Variants in FANCB observed in about 807,000 individuals in gnomAD.
The protein encoded by FANCB is FA complementation group B.
FANCB carries 5 observed loss-of-function variants against 38.9 expected under a neutral mutation model. The observed-to-expected ratio is 0.13, with a 90% CI of 0.07 to 0.27. FANCB has a LOEUF of 0.27. Among genes scored for constraint, FANCB ranks in the 10% least tolerant of loss-of-function variants. FANCB has a pLI of 1.00. For missense variants in FANCB, 573 were observed against 602.7 expected, an observed-to-expected ratio of 0.95 and a Z score of 0.52; for synonymous variants, 236 against 215.4, an observed-to-expected ratio of 1.10 and a Z score of -0.84.
chrX:14,776,080 C>T, the FANCB span, among the ~76,000 whole-genome samples: 3 of 82,089 alleles, frequency 3.7e-5, no homozygotes, highest in Non-Finnish European at 6.5e-5. Context: ...TTTATGGGCA[C>T]GTCTGATATG....
chrX:14,739,336 G>T, the FANCB span, among the ~76,000 whole-genome samples: 1 of 111,693 alleles, frequency 9.0e-6, no homozygotes, highest in Non-Finnish European at 1.9e-5. Flanking sequence ...TTGATCAACA[G>T]ATAAACAGAA....
chrX:14,867,050 T>A (rs902683556), intron 2 of FANCB, among the ~76,000 whole-genome samples: 29 of 111,294 alleles, frequency 2.6e-4, no homozygotes, highest in Non-Finnish European at 5.5e-4. Flanking sequence ...ATCTCTACAA[T>A]GAAAACTATA....
chrX:14,815,233 T>A, the FANCB span, among the ~76,000 whole-genome samples: 1 of 110,640 alleles, frequency 9.0e-6, no homozygotes, highest in African/African-American at 3.3e-5. Context: ...GACGAGTTAC[T>A]GGGTGCAGCA....
chrX:14,853,209 C>T (rs1193206901), intron 5 of FANCB, 42 bp from the exon 6 acceptor site: 21 of 1,130,706 alleles, frequency 1.9e-5, no homozygotes, highest in Non-Finnish European at 2.5e-5. Flanking sequence ...AACATGATTT[C>T]AAATGAAACC....
At chrX:14,711,640 T>C in the FANCB span, among the ~76,000 whole-genome samples, 1 of 112,481 alleles carries the variant, frequency 8.9e-6, no homozygotes, top group Non-Finnish European at 1.9e-5. Flanking sequence ...ATACCAGGCA[T>C]GTAAACTTTT....
chrX:14,718,557 GAT>G, the FANCB span, among the ~76,000 whole-genome samples: 1 of 112,052 alleles, frequency 8.9e-6, no homozygotes, highest in East Asian at 2.8e-4. Context: ...TCTACTACAT[GAT>G]GTCTGACATA....
chrX:14,789,193 A>G, the FANCB span, among the ~76,000 whole-genome samples: 1 of 111,966 alleles, frequency 8.9e-6, no homozygotes, highest in African/African-American at 3.2e-5. Context: ...AGTGCCCTTG[A>G]CTTAACTGCT....
chrX:14,693,289 T>G, the FANCB span, among the ~76,000 whole-genome samples: 10 of 112,007 alleles, frequency 8.9e-5, no homozygotes, highest in Non-Finnish European at 1.9e-4. Flanking sequence ...GATAAAGATA[T>G]CTCATGCAAA....
the FANCB span, among the ~76,000 whole-genome samples, chrX:14,789,623 C>T: frequency 1.8e-5 from 2 of 112,013 alleles, no homozygotes; most frequent in African/African-American, 6.5e-5. Context: ...AGTCGTCATG[C>T]TCCCTCACAC....
the FANCB span, among the ~76,000 whole-genome samples, chrX:14,765,441 C>CT: frequency 2.7e-5 from 3 of 112,137 alleles, no homozygotes; most frequent in South Asian, 7.4e-4. Flanking sequence ...GCCAGCTTGT[C>CT]TTTTTTATGA....
chrX:14,725,707 G>A, the FANCB span, among the ~76,000 whole-genome samples: 1 of 111,989 alleles, frequency 8.9e-6, no homozygotes, highest in Non-Finnish European at 1.9e-5. Flanking sequence ...GTGAGCTTTA[G>A]GTCAATTTCC....
chrX:14,779,746 G>T, the FANCB span, among the ~76,000 whole-genome samples: 1 of 109,133 alleles, frequency 9.2e-6, no homozygotes, highest in Non-Finnish European at 1.9e-5. Context: ...AGAAGGAAGT[G>T]AGGACTAGAT....
chrX:14,730,018 G>A, the FANCB span, among the ~76,000 whole-genome samples: 1 of 111,969 alleles, frequency 8.9e-6, no homozygotes, highest in Non-Finnish European at 1.9e-5. Context: ...TTCTCAGTCT[G>A]AAAAGTTAAT....
At chrX:14,831,506 T>TG (rs751491726), downstream of FANCB, among the ~76,000 whole-genome samples, 1 of 111,567 alleles carries the variant, frequency 9.0e-6, no homozygotes, top group East Asian at 2.8e-4. Context: ...GTATAAGCAA[T>TG]GGAAACTGCC....
the FANCB span, among the ~76,000 whole-genome samples, chrX:14,829,161 G>C: frequency 8.9e-6 from 1 of 111,785 alleles, no homozygotes; most frequent in Non-Finnish European, 1.9e-5. Flanking sequence ...ATGTATTTGG[G>C]TGTCCAGGAA....
chrX:14,814,827 C>A, the FANCB span, among the ~76,000 whole-genome samples: 11 of 111,941 alleles, frequency 9.8e-5, no homozygotes, highest in South Asian at 4.1e-3. Context: ...TGGGTATATA[C>A]CCAAAGGATT....
At chrX:14,831,203 A>G (rs1019366229), downstream of FANCB, among the ~76,000 whole-genome samples, 6 of 112,152 alleles carry the variant, frequency 5.3e-5, no homozygotes, top group African/African-American at 1.9e-4. Context: ...AATTACACTA[A>G]TATTAGTTTA....
At chrX:14,739,596 T>C in the FANCB span, among the ~76,000 whole-genome samples, 48 of 112,219 alleles carry the variant, frequency 4.3e-4, no homozygotes, top group Non-Finnish European at 7.5e-4. Context: ...AAATTGTGCA[T>C]ACCGCATTAA....
At chrX:14,846,593 A>C (rs1245382003) in intron 7 of FANCB, among the ~76,000 whole-genome samples, 1 of 111,850 alleles carries the variant, frequency 8.9e-6, no homozygotes, top group East Asian at 2.8e-4. Flanking sequence ...ATATCACAAA[A>C]TGAAACTGAT....
Sources: gnomAD v4.1 joint callset for allele counts (sites outside exome capture counted in the v4.1 genomes callset) on GRCh38, gnomAD v4.1.1 for gene constraint, MANE v1.5 for transcripts, NCBI Gene and HGNC (gene_info 2026-07-23, HGNC 2026-07-21) for gene names.